TENM2: variants seen among roughly 807,000 people sequenced by gnomAD.
The protein encoded by TENM2 is teneurin-2.
In TENM2, 52 loss-of-function variants were observed where a neutral mutation model predicts 245.2. That is an observed-to-expected ratio of 0.21 (90% CI 0.17 to 0.27). TENM2 has a LOEUF of 0.27. Among genes scored for constraint, TENM2 ranks in the 10% least tolerant of loss-of-function variants. The pLI is 1.00. For missense variants in TENM2, 3,046 were observed against 3,666.8 expected (o/e 0.83, Z 4.37); for synonymous variants, 1,363 against 1,438.9 (o/e 0.95, Z 1.19).
At chr5:167,155,931 A>G in the TENM2 span, among the ~76,000 whole-genome samples, 1 of 152,200 alleles carries the variant, frequency 6.6e-6, no homozygotes, top group South Asian at 2.1e-4. Context: ...TGGGTCCTGT[A>G]TTTCAGTAAC....
upstream of TENM2, among the ~76,000 whole-genome samples, chr5:167,281,114 T>G (rs1309561509): frequency 1.1e-5 from 1 of 94,472 alleles, no homozygotes; most frequent in Non-Finnish European, 2.3e-5. Flanking sequence ...ACAATCAATG[T>G]TTTTTTTTTT....
intron 5 of TENM2, among the ~76,000 whole-genome samples, chr5:168,014,777 G>A (rs553669453): frequency 6.6e-6 from 1 of 152,254 alleles, no homozygotes; most frequent in South Asian, 2.1e-4. Flanking sequence ...AGAGGCTGTG[G>A]TTCCTGCCCG....
chr5:168,068,457 G>A (rs1790692569), intron 7 of TENM2, among the ~76,000 whole-genome samples: 1 of 152,296 alleles, frequency 6.6e-6, no homozygotes, highest in South Asian at 2.1e-4. Flanking sequence ...GAAAGTGATA[G>A]TTTTGTTACC....
At chr5:167,615,136 T>C (rs1302933420) in intron 2 of TENM2, among the ~76,000 whole-genome samples, 1 of 152,168 alleles carries the variant, frequency 6.6e-6, no homozygotes, top group African/African-American at 2.4e-5. Context: ...GAACAAAACA[T>C]ACATTTTTGT....
chr5:167,106,306 C>G, the TENM2 span, among the ~76,000 whole-genome samples: 1 of 152,142 alleles, frequency 6.6e-6, no homozygotes, highest in African/African-American at 2.4e-5. Flanking sequence ...CCAAAGGAGG[C>G]AGCAATCTCT....
Position 167,992,915 on chromosome 5 carries a change from C to A in TENM2, c.948-29C>A, listed in dbSNP as rs548129781. ...ATGTTGCTCCTTGGCTACCCATGAC[C>A]ACTCTGACTCTTTCCCTTTTCCTGG... On this transcript the variant is annotated intron_variant, in intron 4 of 28. Coordinates refer to ENST00000518659, the Ensembl canonical transcript of TENM2. 9 of 1,580,368 alleles carry A rather than the reference C, an allele frequency of 5.7e-6. No homozygotes were observed. The South Asian group carries it at 8.9e-5, about 16-fold the overall frequency.
intron 2 of TENM2, among the ~76,000 whole-genome samples, chr5:167,522,165 ACCTTTT>A (rs1309297760): frequency 6.6e-6 from 1 of 152,126 alleles, no homozygotes; most frequent in Non-Finnish European, 1.5e-5. Context: ...TCATGACAAG[ACCTTTT>A]TATAGTTAAA....
chr5:167,277,989 T>C, the TENM2 span, among the ~76,000 whole-genome samples: 1 of 151,990 alleles, frequency 6.6e-6, no homozygotes. Context: ...ATTTTCAATG[T>C]GCCTGGATTG....
intron 1 of TENM2, among the ~76,000 whole-genome samples, chr5:167,303,983 A>G (rs1372908467): frequency 6.6e-6 from 1 of 152,182 alleles, no homozygotes; most frequent in Non-Finnish European, 1.5e-5. Context: ...CCAGATTTAA[A>G]ATGGTTCTGT....
chr5:167,400,899 C>A, intron 2 of TENM2, among the ~76,000 whole-genome samples: 1 of 152,154 alleles, frequency 6.6e-6, no homozygotes, highest in Middle Eastern at 3.4e-3. Context: ...ATGGAATATT[C>A]TAAAGTGAGG....
At chr5:167,512,498 G>A (rs1436287848) in intron 2 of TENM2, among the ~76,000 whole-genome samples, 4 of 152,084 alleles carry the variant, frequency 2.6e-5, no homozygotes, top group Middle Eastern at 3.2e-3. Context: ...CCTACACTCC[G>A]AGGGATGTAG....
chr5:167,868,948 G>A (rs1468280556), intron 2 of TENM2, among the ~76,000 whole-genome samples: 3 of 152,016 alleles, frequency 2.0e-5, no homozygotes, highest in South Asian at 4.1e-4. Context: ...CTGTTCTATG[G>A]GCTCTACATA....
At chr5:167,377,953 A>G (rs142765851) in intron 2 of TENM2, among the ~76,000 whole-genome samples, 113 of 152,292 alleles carry the variant, frequency 7.4e-4, no homozygotes, top group African/African-American at 2.6e-3. Context: ...AGAGGAAGTA[A>G]CAGGAATCTA....
chr5:168,077,160 A>G (rs948869803), intron 7 of TENM2, among the ~76,000 whole-genome samples: 3 of 152,220 alleles, frequency 2.0e-5, no homozygotes, highest in African/African-American at 7.2e-5. Context: ...ATGTTAACTC[A>G]TAGTAGCATC....
At chr5:168,020,477 G>T (rs1159969600) in intron 5 of TENM2, among the ~76,000 whole-genome samples, 1 of 152,150 alleles carries the variant, frequency 6.6e-6, no homozygotes, top group Non-Finnish European at 1.5e-5. Flanking sequence ...ACTTCACCTG[G>T]TTATGATTGT....
chr5:168,044,286 G>T (rs951298636), intron 5 of TENM2, among the ~76,000 whole-genome samples: 3 of 152,148 alleles, frequency 2.0e-5, no homozygotes, highest in Non-Finnish European at 4.4e-5. Context: ...AAGCATGCGG[G>T]CGCCTGTAGT....
chr5:167,443,059 ACT>A (rs1764958587), intron 2 of TENM2, among the ~76,000 whole-genome samples: 2 of 152,190 alleles, frequency 1.3e-5, no homozygotes, highest in Non-Finnish European at 2.9e-5. Context: ...AAAAGGTCAC[ACT>A]GATTGATGGG....
At chr5:167,015,765 A>G in the TENM2 span, among the ~76,000 whole-genome samples, 2 of 152,100 alleles carry the variant, frequency 1.3e-5, no homozygotes, top group African/African-American at 4.8e-5. Flanking sequence ...CAAGATCAAG[A>G]TATATTTTTT....
Position 167,500,027 on chromosome 5 carries a change from GGT to G in TENM2, c.502+124569_502+124570del, listed in dbSNP as rs145940706. On this transcript the variant is annotated intron_variant, in intron 2 of 28. Coordinates refer to ENST00000518659, the Ensembl canonical transcript of TENM2. ...ATGTGTGTGTGTATGTGTATGTGAG[GGT>G]GTGTGTGTGTGTGTTTGTACATATA... 6.0e-3 allele frequency among the ~76,000 whole-genome samples: 814 copies of G among 136,616 alleles called. 4 individuals are homozygous for G. Among genetic ancestry groups the G allele is most frequent in the South Asian group, 0.028 (113 of 4,064 alleles). 89.6% of individuals were successfully genotyped at this position (136,616 alleles called of 152,430 possible). A position where few individuals can be genotyped will look rare whatever the true frequency, so the allele number is the denominator to read the frequency against.
Sources: allele counts gnomAD v4.1 joint callset (sites outside exome capture counted in the v4.1 genomes callset), GRCh38; gene constraint gnomAD v4.1.1; transcripts MANE v1.5; gene names NCBI Gene and HGNC (gene_info 2026-07-23, HGNC 2026-07-21).